USH2A: variants seen among roughly 807,000 people sequenced by gnomAD.
The protein encoded by USH2A is Usher syndrome 2A (autosomal recessive, mild).
A neutral mutation model predicts 538.9 loss-of-function variants in USH2A; 443 were observed. The observed-to-expected ratio is 0.82, with a 90% CI of 0.76 to 0.89. USH2A has a LOEUF of 0.89. Ranked by LOEUF, USH2A falls within the 40% of genes least tolerant of loss-of-function variation. USH2A has a pLI of 0.00. For synonymous variants in USH2A, 2,413 were observed against 2,273.5 expected, an observed-to-expected ratio of 1.06 and a Z score of -1.75; for missense variants, 6,633 against 6,324.8, an observed-to-expected ratio of 1.05 and a Z score of -1.65.
At position 215,733,413 on chromosome 1, in the gene USH2A, TA is replaced by T. The variant is rs1175165366; in HGVS notation, c.11712-5030del. Among the ~76,000 whole-genome samples, 3 of 152,250 alleles carry T rather than the reference TA, an allele frequency of 2.0e-5. No homozygotes were observed. In the East Asian group the frequency reaches 5.8e-4, roughly 29 times the overall value. ...ATTTAGAGAGGACAAACATACAAAC[TA>T]TATTATTCCACCACTGGCCTCCCAA... On this transcript the variant is annotated intron_variant, in intron 60 of 71. Transcript: ENST00000307340.
intron 38 of USH2A, among the ~76,000 whole-genome samples, chr1:215,924,011 A>ACAC (rs1297753142): frequency 6.6e-6 from 1 of 151,914 alleles, no homozygotes; most frequent in Non-Finnish European, 1.5e-5. Flanking sequence ...CAAGTGTGAG[A>ACAC]CACCACACCC....
In USH2A at chr1:215,965,527, A is replaced by ATGC; in HGVS notation, c.6958-51_6958-49dup. Reference sequence around the variant, plus strand: ...TTTTGTTTGCAAATAAAATAAGTACATGCTTCGCTTTGAGCATATTTCTTC... The same window carrying ATGC: ...TTTTGTTTGCAAATAAAATAAGTACATGCTGCTTCGCTTTGAGCATATTTCTTC... On this transcript the variant is annotated intron_variant, in intron 36 of 71. Coordinates refer to ENST00000307340, the MANE Select transcript of USH2A (RefSeq NM_206933.4). The ATGC allele has an allele frequency of 1.9e-6, 3 of 1,602,376 alleles. No individual in the cohort carries two copies. The South Asian group carries it at 3.3e-5, about 18-fold the overall frequency.
At chr1:215,721,606 T>A (rs1238014243) in intron 61 of USH2A, among the ~76,000 whole-genome samples, 1 of 152,136 alleles carries the variant, frequency 6.6e-6, no homozygotes, top group African/African-American at 2.4e-5. Context: ...TCATCCCCAA[T>A]AATGTTGAGC....
chr1:216,202,577 C>A (rs1248555489), intron 16 of USH2A, among the ~76,000 whole-genome samples: 1 of 152,152 alleles, frequency 6.6e-6, no homozygotes, highest in Non-Finnish European at 1.5e-5. Context: ...GCTGTTACTA[C>A]AGACTTCTGC....
At chr1:215,634,189 A>G (rs1028634918) in intron 70 of USH2A, among the ~76,000 whole-genome samples, 3 of 152,144 alleles carry the variant, frequency 2.0e-5, no homozygotes, top group African/African-American at 7.2e-5. Context: ...AAGAATACCA[A>G]TCTTCAGGCC....
At chr1:215,913,773 GA>G (rs1258752746) in intron 38 of USH2A, among the ~76,000 whole-genome samples, 1 of 151,696 alleles carries the variant, frequency 6.6e-6, no homozygotes, top group Non-Finnish European at 1.5e-5. Flanking sequence ...TGCAGAATGT[GA>G]AAAACAATCC....
chr1:216,048,410 A>G (rs2030611595), intron 31 of USH2A, 124 bp downstream of exon 31: 2 of 953,720 alleles, frequency 2.1e-6, no homozygotes, highest in South Asian at 1.3e-5. Context: ...ATGGCCTGGC[A>G]ATGCACTTTG....
intron 44 of USH2A, among the ~76,000 whole-genome samples, chr1:215,856,327 A>G (rs1334437822): frequency 3.9e-5 from 6 of 152,232 alleles, no homozygotes; most frequent in Non-Finnish European, 8.8e-5. Context: ...AAGCAACTCA[A>G]ACAAATTAGC....
chr1:216,342,416 G>T (rs1384160120), intron 4 of USH2A, among the ~76,000 whole-genome samples: 1 of 152,090 alleles, frequency 6.6e-6, no homozygotes, highest in Non-Finnish European at 1.5e-5. Context: ...AACCATTATG[G>T]AAAACAGTGT....
intron 11 of USH2A, among the ~76,000 whole-genome samples, chr1:216,252,828 A>G (rs757979691): frequency 6.6e-6 from 1 of 152,242 alleles, no homozygotes; most frequent in Non-Finnish European, 1.5e-5. Flanking sequence ...CTACAAAAAT[A>G]GATGGCATTT....
intron 3 of USH2A, among the ~76,000 whole-genome samples, chr1:216,408,429 C>T (rs1049125845): frequency 1.3e-5 from 2 of 152,094 alleles, no homozygotes; most frequent in Non-Finnish European, 2.9e-5. Context: ...TATTACTGAA[C>T]CCAATATATG....
At chr1:215,783,132 T>C (rs551849014) in intron 52 of USH2A, among the ~76,000 whole-genome samples, 197 bp from the exon 53 acceptor site, 1 of 152,130 alleles carries the variant, frequency 6.6e-6, no homozygotes, top group Non-Finnish European at 1.5e-5. Flanking sequence ...GATGCAGGGA[T>C]ACGGAATTGC....
At chr1:216,359,603 A>G (rs915342376) in intron 4 of USH2A, among the ~76,000 whole-genome samples, 2 of 152,098 alleles carry the variant, frequency 1.3e-5, no homozygotes, top group Non-Finnish European at 2.9e-5. Context: ...GAAAAACAAA[A>G]TAACATTTTA....
intron 66 of USH2A, 57 bp from the exon 67 acceptor site, chr1:215,647,787 C>G: frequency 1.3e-6 from 2 of 1,585,542 alleles, no homozygotes; most frequent in Admixed American, 1.7e-5. Flanking sequence ...GTTTAACTCT[C>G]TCTTTTAAAA....
chr1:216,207,385 A>T lies in USH2A; in HGVS notation c.3204T>A (p.Ser1068=), dbSNP rs1469804407. ...GTGGACTCCAGGAGAGATTGATAGCAGAAGAACTTTGAACTTGTCCTCTGG... is the reference window on the plus strand; with the variant it reads ...GTGGACTCCAGGAGAGATTGATAGCTGAAGAACTTTGAACTTGTCCTCTGG... The part of the protein sequence containing the change: ...PPPRGQVQSS[S]AINLSWSPPD... The change falls in exon 16 of 72, where the codon TCT becomes TCA. Residue 1068 remains serine, a synonymous_variant. Transcript: ENST00000307340. 6.2e-7 allele frequency: 1 copy of T among 1,614,064 alleles called. No individual in the cohort carries two copies. Among genetic ancestry groups the T allele is most frequent in the Non-Finnish European group, 8.5e-7 (1 of 1,179,944 alleles).
At chr1:215,657,625 C>T (rs531108408) in intron 64 of USH2A, among the ~76,000 whole-genome samples, 8 of 152,304 alleles carry the variant, frequency 5.3e-5, no homozygotes, top group African/African-American at 1.9e-4. Context: ...AGGTTCCCTT[C>T]ATCTAAAACA....
intron 25 of USH2A, 119 bp from the exon 26 acceptor site, chr1:216,083,705 G>A: frequency 3.0e-6 from 3 of 1,004,562 alleles, no homozygotes; most frequent in Non-Finnish European, 2.9e-6. Flanking sequence ...AAAAGAAGAT[G>A]CAAATCAATG....
At chr1:216,046,249 T>C (rs2030515050) in intron 32 of USH2A, among the ~76,000 whole-genome samples, 182 bp downstream of exon 32, 1 of 152,188 alleles carries the variant, frequency 6.6e-6, no homozygotes, top group Non-Finnish European at 1.5e-5. Flanking sequence ...ATAGTTGTTA[T>C]ACTATGTTTT....
chr1:216,172,171 A>C (rs17026219), intron 21 of USH2A, among the ~76,000 whole-genome samples: 25,390 of 152,060 alleles, frequency 0.17, 2,540 homozygotes, highest in Non-Finnish European at 0.22. Context: ...CAAATATGAA[A>C]GAGGCATAAG....
Sources: gnomAD v4.1 joint callset for allele counts (sites outside exome capture counted in the v4.1 genomes callset) on GRCh38, gnomAD v4.1.1 for gene constraint, MANE v1.5 for transcripts, NCBI Gene and HGNC (gene_info 2026-07-23, HGNC 2026-07-21) for gene names.